DPP3: variants seen among roughly 807,000 people sequenced by gnomAD.
DPP3 encodes DPP III.
In DPP3, 64 loss-of-function variants were observed where a neutral mutation model predicts 89.8. The ratio of observed to expected loss-of-function variants is 0.71; its 90% confidence interval spans 0.58 to 0.88. The LOEUF (loss-of-function observed/expected upper bound fraction) is 0.88, where lower values mean the gene tolerates loss of function less well. Ranked by LOEUF, DPP3 falls within the 40% of genes least tolerant of loss-of-function variation. The probability of loss-of-function intolerance (pLI) is 0.00; values close to 1 mark genes in which losing one functional copy is unlikely to be tolerated. For synonymous variants in DPP3, 377 were observed against 404.3 expected, an observed-to-expected ratio of 0.93 and a Z score of 0.81; for missense variants, 835 against 972.5, an observed-to-expected ratio of 0.86 and a Z score of 1.88.
At chr11:66,494,892 G>T (rs1855490161) in intron 12 of DPP3, among the ~76,000 whole-genome samples, 1 of 152,152 alleles carries the variant, frequency 6.6e-6, no homozygotes. Flanking sequence ...TCCCACTGGG[G>T]TCTGGAGACA....
In DPP3 at chr11:66,491,689, C is replaced by G; in HGVS notation, c.930-9C>G. 1 of 1,612,766 alleles carries G rather than the reference C, an allele frequency of 6.2e-7. No homozygotes were observed. ...GCCCCTCCTCCACCTCTGCCCTTCT[C>G]TCCCCCAGTTACATCGGGTTCATCG... is the stretch of plus-strand genomic sequence containing the variant. On this transcript the variant is annotated splice_polypyrimidine_tract_variant and intron_variant, in intron 8 of 17. Transcript: ENST00000531863.
At position 66,487,229 on chromosome 11, in the gene DPP3, G is replaced by A. The variant is rs200314618; in HGVS notation, c.499-39G>A. ...TGACGTCCCTGCAGCCCTGACCTTG[G>A]CAACTCCTCTTTCTCATGTCCCCTG... On this transcript the variant is annotated intron_variant, in intron 4 of 17. Coordinates refer to ENST00000531863, the MANE Select transcript of DPP3 (RefSeq NM_130443.4). 5 of 1,605,382 alleles carry A rather than the reference G, an allele frequency of 3.1e-6. No individual in the cohort carries two copies. The South Asian group carries it at 3.3e-5, about 11-fold the overall frequency.
chr11:66,482,365 G>A lies in DPP3; in HGVS notation c.165G>A (p.Glu55=), dbSNP rs1295538083. 1 of 1,612,800 alleles carries A rather than the reference G, an allele frequency of 6.2e-7. No homozygotes were observed. The highest frequency in any genetic ancestry group is 8.5e-7 in the Non-Finnish European group (1 of 1,180,024). The change falls in exon 2 of 18, where the codon GAG becomes GAA. Residue 55 remains glutamate (E), a synonymous_variant. Coordinates refer to ENST00000531863, the MANE Select transcript of DPP3 (RefSeq NM_130443.4). ...GLAVLLQTSP[E]APYIYALLSR... ...CTGTGCTGCTTCAGACCTCCCCTGAGGCCCCCTACATCTATGCTCTGCTCA... is the reference window on the plus strand; with the variant it reads ...CTGTGCTGCTTCAGACCTCCCCTGAAGCCCCCTACATCTATGCTCTGCTCA...
chr11:66,486,067 A>T (rs1258268913), intron 3 of DPP3, among the ~76,000 whole-genome samples: 4 of 151,972 alleles, frequency 2.6e-5, no homozygotes, highest in Non-Finnish European at 5.9e-5. Flanking sequence ...CTTCCAGAGT[A>T]GCTGGTACCA....
chr11:66,483,502 T>C (rs1439316610), intron 2 of DPP3, among the ~76,000 whole-genome samples: 3 of 152,228 alleles, frequency 2.0e-5, no homozygotes, highest in Non-Finnish European at 4.4e-5. Flanking sequence ...ATGGGGTACA[T>C]TTAAATGTAC....
chr11:66,502,596 A>C (rs894316517), intron 16 of DPP3, among the ~76,000 whole-genome samples: 23 of 152,184 alleles, frequency 1.5e-4, no homozygotes, highest in Admixed American at 4.6e-4. Flanking sequence ...CAGCCTCCCG[A>C]GTAGCTGGGA....
intron 9 of DPP3, 53 bp from the exon 10 acceptor site, chr11:66,492,663 G>A (rs112578033): frequency 0.014 from 21,348 of 1,527,368 alleles, 205 homozygotes; most frequent in South Asian, 0.03. Context: ...GTAGGGTGAA[G>A]TGGGAGCCCT....
In DPP3 at chr11:66,504,739, G is replaced by A. The variant is rs200822369; in HGVS notation, c.2006G>A (p.Arg669Gln). Reference protein sequence around the residue: ...RDTVLLRKESRKLIVQPNTRL... With the variant: ...RDTVLLRKESQKLIVQPNTRL... ...ACGGTGCTGCTGCGTAAGGAATCTC[G>A]GAAGCTCATTGTTCAGCCCAACACT... Residue 669 changes from arginine to glutamine, a missense_variant, in exon 17 of 18, where the codon CGG (arginine) becomes CAG (glutamine). Arg to Gln is a conservative substitution (Grantham distance 43). Transcript: ENST00000531863. The A allele has an allele frequency of 4.3e-6, 7 of 1,612,608 alleles. No individual in the cohort carries two copies. Among genetic ancestry groups the A allele is most frequent in the East Asian group, 2.2e-5 (1 of 44,810 alleles).
At chr11:66,484,924 C>T (rs948511958) in intron 2 of DPP3, among the ~76,000 whole-genome samples, 1 of 152,112 alleles carries the variant, frequency 6.6e-6, no homozygotes, top group African/African-American at 2.4e-5. Context: ...AGGGAAAAGG[C>T]AGACGAATGC....
intron 15 of DPP3, among the ~76,000 whole-genome samples, chr11:66,496,784 C>T (rs2134740112): frequency 6.6e-6 from 1 of 152,208 alleles, no homozygotes; most frequent in Non-Finnish European, 1.5e-5. Flanking sequence ...ATTCAGGGTC[C>T]AGAAATGTGG....
Position 66,491,361 on chromosome 11 carries a change from T to C in DPP3, c.776T>C (p.Val259Ala), listed in dbSNP as rs755763897. The C allele has an allele frequency of 1.9e-6, 3 of 1,613,586 alleles. No homozygotes were observed. The change falls in exon 7 of 18, where the codon GTG becomes GCG. Residue 259 changes from valine (V) to alanine (A), a missense_variant. Coordinates refer to ENST00000531863, the MANE Select transcript of DPP3 (RefSeq NM_130443.4). ...TACGCGCCCATCCTCCAGAAGGTGG[T>C]GGAGCAGCTGGAGAAAGCCAAGGTT... ...GDYAPILQKV[V>A]EQLEKAKAYA...
chr11:66,504,639 G>A lies in DPP3; in HGVS notation c.1906G>A (p.Gly636Arg), dbSNP rs1438985127. ...GCTGAAGTCCACAGGGGATGTGGCC[G>A]GAGGGCGGGCCCTGTACGAGGGGTA... is the stretch of plus-strand genomic sequence containing the variant. ...QVLKSTGDVA[G>R]GRALYEGYAT... The change falls in exon 17 of 18, where the codon GGA (glycine) becomes AGA (arginine). Residue 636 changes from glycine (G) to arginine (R), a missense_variant. Transcript: ENST00000531863. 7.4e-6 allele frequency: 12 copies of A among 1,611,608 alleles called. No homozygotes were observed. The highest frequency in any genetic ancestry group is 4.5e-5 in the East Asian group (2 of 44,790).
At chr11:66,501,825 C>CAAAAAAAAAA (rs35196491) in intron 16 of DPP3, among the ~76,000 whole-genome samples, 19 of 84,416 alleles carry the variant, frequency 2.3e-4, no homozygotes, top group South Asian at 3.7e-4. Context: ...ACTTTGTCTC[C>CAAAAAAAAAA]AAAAAAAAAA....
At chr11:66,493,029 C>T (rs1855436460) in intron 10 of DPP3, 38 bp from the exon 11 acceptor site, 1 of 1,612,422 alleles carries the variant, frequency 6.2e-7, no homozygotes, top group Non-Finnish European at 8.5e-7. Flanking sequence ...ACCTTTGACC[C>T]TCACCTCTTC....
intron 16 of DPP3, among the ~76,000 whole-genome samples, chr11:66,497,976 C>T (rs1855583442): frequency 6.6e-6 from 1 of 152,106 alleles, no homozygotes; most frequent in African/African-American, 2.4e-5. Context: ...GCTCTTGTTG[C>T]CCAGGCTGGA....
At chr11:66,482,835 C>G (rs928552853) in intron 2 of DPP3, among the ~76,000 whole-genome samples, 2 of 152,204 alleles carry the variant, frequency 1.3e-5, no homozygotes, top group African/African-American at 4.8e-5. Flanking sequence ...CTGTGTGGCC[C>G]TGGGCAGAAT....
intron 16 of DPP3, among the ~76,000 whole-genome samples, chr11:66,499,811 T>C (rs1468142284): frequency 6.6e-6 from 1 of 152,052 alleles, no homozygotes; most frequent in Non-Finnish European, 1.5e-5. Context: ...GAGGCTATAT[T>C]CACCTTTTAT....
intron 15 of DPP3, among the ~76,000 whole-genome samples, chr11:66,496,582 T>C (rs1297272469): frequency 6.6e-6 from 1 of 151,968 alleles, no homozygotes; most frequent in East Asian, 1.9e-4. Context: ...GCCCAGCTAA[T>C]TTTTTGTATT....
At position 66,482,197 on chromosome 11, in the gene DPP3, GC is replaced by G; in HGVS notation, c.-1del. On this transcript the variant is annotated 5_prime_UTR_variant, in exon 2 of 18. Coordinates refer to ENST00000531863, the MANE Select transcript of DPP3 (RefSeq NM_130443.4). ...GATGACAGTGATGGTTCTCAGCAGG[GC>G]CCATGGCGGACACCCAGTACATCCT... 1.2e-6 allele frequency: 2 copies of G among 1,613,980 alleles called. No homozygotes were observed. Among genetic ancestry groups the G allele is most frequent in the Non-Finnish European group, 1.7e-6 (2 of 1,179,916 alleles).
Sources: allele counts gnomAD v4.1 joint callset (sites outside exome capture counted in the v4.1 genomes callset), GRCh38; gene constraint gnomAD v4.1.1; transcripts MANE v1.5; gene names NCBI Gene and HGNC (gene_info 2026-07-23, HGNC 2026-07-21).